SH3GLB1: variants seen among roughly 807,000 people sequenced by gnomAD.
The protein encoded by SH3GLB1 is endophilin-B1.
Under a neutral mutation model 42.0 loss-of-function variants are expected in SH3GLB1, and 17 were observed. The ratio of observed to expected loss-of-function variants is 0.40; its 90% CI spans 0.28 to 0.61. The LOEUF (loss-of-function observed/expected upper bound fraction) is 0.61. Among genes scored for constraint, SH3GLB1 ranks in the 20% least tolerant of loss-of-function variants. The pLI is 0.36. For synonymous variants in SH3GLB1, 132 were observed against 146.6 expected, an observed-to-expected ratio of 0.90 and a Z score of 0.72; for missense variants, 355 against 426.3, an observed-to-expected ratio of 0.83 and a Z score of 1.47.
intron 3 of SH3GLB1, among the ~76,000 whole-genome samples, chr1:86,720,642 A>G (rs1427954126): frequency 1.3e-5 from 2 of 152,240 alleles, no homozygotes; most frequent in African/African-American, 2.4e-5. Context: ...CTCTTTATAC[A>G]TCTGCAAGAT....
chr1:86,743,062 CTGAT>C lies in SH3GLB1; in HGVS notation c.991-63_991-60del, dbSNP rs10615810. ...TAATTTAAACAAATTAAATACAAAT[CTGAT>C]TGGTTTTCTACTTGTTTATTTTTTT... On this transcript the variant is annotated intron_variant, in intron 8 of 8. Transcript: ENST00000370558. The C allele has an allele frequency of 3.1e-3, 3,835 of 1,220,748 alleles. 91 individuals carry two copies. In the African/African-American group the frequency reaches 0.051, roughly 16 times the overall value. The allele number at this position is 1,220,748 out of a possible 1,614,324, so 75.6% of individuals were successfully genotyped here.
At position 86,745,047 on chromosome 1, in the gene SH3GLB1, C is replaced by G. The variant is rs986573937; in HGVS notation, c.*1812C>G. 13 of 152,172 alleles carry G rather than the reference C, an allele frequency of 8.5e-5. No homozygotes were observed. Among genetic ancestry groups the G allele is most frequent in the Admixed American group, 7.9e-4 (12 of 15,278 alleles). 9.4% of individuals were successfully genotyped at this position (152,172 alleles called of 1,614,324 possible). On this transcript the variant is annotated 3_prime_UTR_variant, in exon 9 of 9. Coordinates refer to ENST00000370558, the MANE Select transcript of SH3GLB1 (RefSeq NM_016009.5). ...AGTCCAGATTTAGGCTTTGAAAGAT[C>G]ATACCAAAACTTCAGATCGACTTAA...
At chr1:86,728,367 T>G in intron 5 of SH3GLB1, 1 of 1,114,646 alleles carries the variant, frequency 9.0e-7, no homozygotes, top group Non-Finnish European at 1.3e-6. Context: ...TGTTCATTGG[T>G]ATAATGTGTT....
At chr1:86,729,445 A>G (rs1655388361) in intron 5 of SH3GLB1, among the ~76,000 whole-genome samples, 1 of 152,176 alleles carries the variant, frequency 6.6e-6, no homozygotes, top group African/African-American at 2.4e-5. Context: ...AAGAGAATGC[A>G]TTAATGTGTT....
chr1:86,746,149 T>A lies in SH3GLB1; in HGVS notation c.*2914T>A, dbSNP rs1024781748. ...GGCCAGGATCACCAGTGGGGTAGAG[T>A]CATCTTCATAGTCTCCTGTTATCCT... On this transcript the variant is annotated 3_prime_UTR_variant, in exon 9 of 9. Coordinates refer to ENST00000370558, the MANE Select transcript of SH3GLB1 (RefSeq NM_016009.5). 6.6e-5 allele frequency: 10 copies of A among 152,424 alleles called. No individual in the cohort carries two copies. The highest frequency in any genetic ancestry group is 2.2e-4 in the African/African-American group (9 of 41,364). The allele number at this position is 152,424 out of a possible 1,614,324, so 9.4% of individuals were successfully genotyped here. A position where few individuals can be genotyped will look rare whatever the true frequency, so the allele number is the denominator to read the frequency against.
At chr1:86,726,441 A>G (rs1655198109) in intron 5 of SH3GLB1, among the ~76,000 whole-genome samples, 1 of 152,058 alleles carries the variant, frequency 6.6e-6, no homozygotes, top group African/African-American at 2.4e-5. Context: ...TGAGATATCT[A>G]GAAAAGATCT....
At chr1:86,727,719 TTAAAGA>T (rs1215371015) in intron 5 of SH3GLB1, among the ~76,000 whole-genome samples, 3 of 152,066 alleles carry the variant, frequency 2.0e-5, no homozygotes, top group Non-Finnish European at 2.9e-5. Flanking sequence ...TTTAGTAATG[TTAAAGA>T]TAAAAATCAG....
chr1:86,723,458 G>T (rs1026279712), intron 4 of SH3GLB1, among the ~76,000 whole-genome samples: 1 of 152,134 alleles, frequency 6.6e-6, no homozygotes, highest in Non-Finnish European at 1.5e-5. Context: ...AGGTTGCAGT[G>T]AGCCAAGATC....
At chr1:86,709,063 G>A (rs557755472) in intron 1 of SH3GLB1, among the ~76,000 whole-genome samples, 6 of 152,208 alleles carry the variant, frequency 3.9e-5, no homozygotes, top group African/African-American at 1.2e-4. Flanking sequence ...AGCTGATAAG[G>A]CTTCTTAGAC....
At chr1:86,719,693 G>C (rs1283773959) in intron 3 of SH3GLB1, 58 bp downstream of exon 3, 1 of 1,564,260 alleles carries the variant, frequency 6.4e-7, no homozygotes, top group African/African-American at 1.4e-5. Context: ...ATTTATTAGA[G>C]ATGTCATTAA....
intron 5 of SH3GLB1, chr1:86,728,312 T>C: frequency 1.9e-6 from 1 of 526,444 alleles, no homozygotes; most frequent in Non-Finnish European, 3.2e-6. Context: ...GCTCTTTTAC[T>C]TGTTTAATGT....
At chr1:86,735,242 T>C in intron 7 of SH3GLB1, 63 bp downstream of exon 7, 1 of 1,080,744 alleles carries the variant, frequency 9.3e-7, no homozygotes, top group South Asian at 1.3e-5. Context: ...GAACTAATAC[T>C]AAGGATGAAG....
rs137931882 is a variant in SH3GLB1 at position 86,711,087 on chromosome 1, G to A, written c.73-4637G>A. On this transcript the variant is annotated intron_variant, in intron 1 of 8. Transcript: ENST00000370558. ...CCAATGGAGAAAGATGCACCTTACA[G>A]TTTACTAATACATTATTCAGAATCT... Among the ~76,000 whole-genome samples, 10 of 152,250 alleles carry A rather than the reference G, an allele frequency of 6.6e-5. No homozygotes were observed. The East Asian group carries it at 1.5e-3, about 23-fold the overall frequency.
Position 86,742,339 on chromosome 1 carries a change from T to C in SH3GLB1, c.893T>C (p.Leu298Pro). 6.2e-7 allele frequency: 1 copy of C among 1,614,124 alleles called. No homozygotes were observed. Among genetic ancestry groups the C allele is most frequent in the Non-Finnish European group, 8.5e-7 (1 of 1,180,016 alleles). ...CTAGTAATCACCTCTCCTTCCAACC[T>C]CAGTGACCTTAAGGAGTGTAGTGGC... ...SGLVITSPSNLSDLKECSGSR... is the reference protein window; with the variant it reads ...SGLVITSPSNPSDLKECSGSR... Residue 298 changes from leucine to proline, a missense_variant, in exon 8 of 9, where the codon CTC becomes CCC. Physicochemically the swap from Leu to Pro is moderately conservative, Grantham distance 98. Coordinates refer to ENST00000370558, the MANE Select transcript of SH3GLB1 (RefSeq NM_016009.5).
rs955222708 is a variant in SH3GLB1, at chr1:86,745,038, T to G, written c.*1803T>G. ...TGTTTTATAAGTCCAGATTTAGGCT[T>G]TGAAAGATCATACCAAAACTTCAGA... On this transcript the variant is annotated 3_prime_UTR_variant, in exon 9 of 9. Coordinates refer to ENST00000370558, the MANE Select transcript of SH3GLB1 (RefSeq NM_016009.5). 2.0e-5 allele frequency: 3 copies of G among 152,188 alleles called. No individual in the cohort carries two copies. Among genetic ancestry groups the G allele is most frequent in the East Asian group, 1.9e-4 (1 of 5,198 alleles). The allele number at this position is 152,188 out of a possible 1,614,324, so 9.4% of individuals were successfully genotyped here.
At position 86,746,821 on chromosome 1, in the gene SH3GLB1, T is replaced by A. The variant is rs945777844; in HGVS notation, c.*3586T>A. 1.3e-5 allele frequency: 2 copies of A among 152,172 alleles called. No individual in the cohort carries two copies. Among genetic ancestry groups the A allele is most frequent in the African/African-American group, 4.8e-5 (2 of 41,412 alleles). 9.4% of individuals were successfully genotyped at this position (152,172 alleles called of 1,614,324 possible). A position where few individuals can be genotyped will look rare whatever the true frequency, so the allele number is the denominator to read the frequency against. ...AGGCAGAGGCTACAGTGAGCCAAGA[T>A]TGCACCACTGCACTCCAACCTGGGT... On this transcript the variant is annotated 3_prime_UTR_variant, in exon 9 of 9. Transcript: ENST00000370558.
At chr1:86,725,365 G>A (rs1224097656) in intron 5 of SH3GLB1, among the ~76,000 whole-genome samples, 3 of 151,896 alleles carry the variant, frequency 2.0e-5, no homozygotes, top group Non-Finnish European at 2.9e-5. Flanking sequence ...ATATATTCCA[G>A]AAAACCTCAG....
At chr1:86,730,293 G>T (rs1054468656) in intron 5 of SH3GLB1, 42 of 985,190 alleles carry the variant, frequency 4.3e-5, no homozygotes, top group Non-Finnish European at 4.8e-5. Flanking sequence ...CCAAGCAGTT[G>T]AACAATGCTG....
chr1:86,705,043 C>T, intron 1 of SH3GLB1, 72 bp downstream of exon 1: 1 of 1,034,170 alleles, frequency 9.7e-7, no homozygotes, highest in Non-Finnish European at 1.4e-6. Context: ...CAGCTCGACG[C>T]GGCGCCCCCG....
Sources: gnomAD v4.1 joint callset for allele counts (sites outside exome capture counted in the v4.1 genomes callset) on GRCh38, gnomAD v4.1.1 for gene constraint, MANE v1.5 for transcripts, NCBI Gene and HGNC (gene_info 2026-07-23, HGNC 2026-07-21) for gene names.